Variants in OPCML observed in about 807,000 individuals in gnomAD.
The protein encoded by OPCML is opioid-binding protein/cell adhesion molecule.
A neutral mutation model predicts 37.8 loss-of-function variants in OPCML; 13 were observed. The observed-to-expected ratio is 0.34, with a 90% CI of 0.22 to 0.55. The LOEUF is 0.55. Ranked by LOEUF, OPCML falls within the 20% of genes least tolerant of loss-of-function variation. The pLI is 0.91. For synonymous variants in OPCML, 176 were observed against 168.8 expected (o/e 1.04, Z -0.33); for missense variants, 341 against 435.6 (o/e 0.78, Z 1.93).
At chr11:132,721,462 A>G (rs1271886081) in intron 2 of OPCML, among the ~76,000 whole-genome samples, 1 of 152,202 alleles carries the variant, frequency 6.6e-6, no homozygotes, top group Admixed American at 6.5e-5. Context: ...ATGTGAGGAC[A>G]GGTGGCCCAG....
intron 1 of OPCML, among the ~76,000 whole-genome samples, chr11:133,318,962 G>A (rs1339861719): frequency 6.6e-6 from 1 of 151,548 alleles, no homozygotes; most frequent in Non-Finnish European, 1.5e-5. Flanking sequence ...AGGAGACAGA[G>A]GTTGCAGTGA....
rs546287993 is a variant in OPCML at position 132,418,575 on chromosome 11, G to T, written c.*1618C>A. 2.0e-5 allele frequency: 3 copies of T among 152,770 alleles called. No homozygotes were observed. The East Asian group carries it at 5.8e-4, about 29-fold the overall frequency. The allele number at this position is 152,770 out of a possible 1,614,324, so 9.5% of individuals were successfully genotyped here. A position where few individuals can be genotyped will look rare whatever the true frequency, so the allele number is the denominator to read the frequency against. On this transcript the variant is annotated 3_prime_UTR_variant, in exon 8 of 8. Transcript: ENST00000524381. ...TGAAAATTAAGTCAGTTGCTCAAGTGCCCTCAGCTTAGAAGAGCTTCCTGA... is the reference window on the plus strand; with the variant it reads ...TGAAAATTAAGTCAGTTGCTCAAGTTCCCTCAGCTTAGAAGAGCTTCCTGA...
chr11:132,658,962 A>G (rs1941832187), intron 2 of OPCML, among the ~76,000 whole-genome samples: 2 of 152,144 alleles, frequency 1.3e-5, no homozygotes, highest in African/African-American at 4.8e-5. Context: ...TTATTTGACC[A>G]CAGGCATCCC....
chr11:132,416,890 C>T lies in OPCML; in HGVS notation c.*3303G>A, dbSNP rs993176814. The T allele has an allele frequency of 9.8e-5, 15 of 152,708 alleles. No homozygotes were observed. The highest frequency in any genetic ancestry group is 1.9e-4 in the Non-Finnish European group (13 of 68,030). 9.5% of individuals were successfully genotyped at this position (152,708 alleles called of 1,614,324 possible). A position where few individuals can be genotyped will look rare whatever the true frequency, so the allele number is the denominator to read the frequency against. The stretch of plus-strand genomic sequence containing the variant: ...ACTGTATCAGGCACTTGACATTAAA[C>T]TACTGAAAAACAAGCTTGGCTGCAG... On this transcript the variant is annotated 3_prime_UTR_variant, in exon 8 of 8. Transcript: ENST00000524381.
intron 1 of OPCML, among the ~76,000 whole-genome samples, chr11:133,378,300 G>A (rs1944858877): frequency 1.3e-5 from 2 of 152,052 alleles, no homozygotes; most frequent in Admixed American, 6.6e-5. Flanking sequence ...ATTTTGTATG[G>A]CCTTTGAGGA....
At chr11:133,475,824 C>T (rs1416755916) in intron 1 of OPCML, among the ~76,000 whole-genome samples, 1 of 152,282 alleles carries the variant, frequency 6.6e-6, no homozygotes, top group South Asian at 2.1e-4. Context: ...CTGAGTGTCT[C>T]CCCTGAGATC....
intron 2 of OPCML, among the ~76,000 whole-genome samples, chr11:132,870,818 G>A (rs1402351505): frequency 2.0e-5 from 3 of 152,134 alleles, no homozygotes; most frequent in African/African-American, 4.8e-5. Flanking sequence ...GAAAAGTGTT[G>A]TCACTTATAT....
intron 1 of OPCML, among the ~76,000 whole-genome samples, chr11:133,248,619 A>C (rs1346939624): frequency 6.6e-6 from 1 of 152,200 alleles, no homozygotes. Context: ...GCTCAGCATG[A>C]GGTTCTGCAG....
chr11:133,215,207 T>A (rs1192587562), intron 1 of OPCML, among the ~76,000 whole-genome samples: 14 of 148,380 alleles, frequency 9.4e-5, no homozygotes, highest in Admixed American at 7.3e-4. Context: ...AGAGAGAGAG[T>A]GTGTGTGTGT....
At chr11:132,751,287 G>C (rs1420130327) in intron 2 of OPCML, among the ~76,000 whole-genome samples, 1 of 152,104 alleles carries the variant, frequency 6.6e-6, no homozygotes, top group African/African-American at 2.4e-5. Flanking sequence ...TCCAGCGGTG[G>C]TGAGACTCTG....
At chr11:132,594,676 T>G (rs1461521683) in intron 3 of OPCML, among the ~76,000 whole-genome samples, 1 of 152,292 alleles carries the variant, frequency 6.6e-6, no homozygotes, top group Non-Finnish European at 1.5e-5. Flanking sequence ...TGGGCTGGTT[T>G]TAACTCAAGA....
At chr11:133,502,979 A>G (rs564782283) in intron 1 of OPCML, among the ~76,000 whole-genome samples, 24 of 152,322 alleles carry the variant, frequency 1.6e-4, no homozygotes, top group African/African-American at 5.8e-4. Context: ...GTTCAGTACA[A>G]GATGCACAGC....
intron 1 of OPCML, among the ~76,000 whole-genome samples, chr11:133,455,739 T>G (rs897240746): frequency 6.6e-6 from 1 of 152,052 alleles, no homozygotes; most frequent in Non-Finnish European, 1.5e-5. Context: ...CACTGAAACA[T>G]TAAATAAAAT....
At chr11:133,113,016 G>A (rs886084961) in intron 1 of OPCML, among the ~76,000 whole-genome samples, 13 of 152,174 alleles carry the variant, frequency 8.5e-5, no homozygotes, top group Non-Finnish European at 1.6e-4. Flanking sequence ...TGCAATTACA[G>A]AATATATATG....
At chr11:133,275,343 A>G (rs952206792) in intron 1 of OPCML, among the ~76,000 whole-genome samples, 1 of 152,190 alleles carries the variant, frequency 6.6e-6, no homozygotes, top group African/African-American at 2.4e-5. Context: ...TATTTTGCCA[A>G]GTAACAGTGT....
At chr11:132,498,300 A>G (rs1273667079) in intron 4 of OPCML, among the ~76,000 whole-genome samples, 1 of 152,236 alleles carries the variant, frequency 6.6e-6, no homozygotes, top group Non-Finnish European at 1.5e-5. Flanking sequence ...ACACATCAAG[A>G]ACAAAGGCCA....
intron 1 of OPCML, among the ~76,000 whole-genome samples, chr11:133,114,316 T>A (rs1260178681): frequency 6.6e-6 from 1 of 152,236 alleles, no homozygotes; most frequent in African/African-American, 2.4e-5. Context: ...ATCTTCCCAG[T>A]TGTTCTGGCC....
At chr11:133,223,013 C>A (rs1047693656) in intron 1 of OPCML, among the ~76,000 whole-genome samples, 1 of 152,202 alleles carries the variant, frequency 6.6e-6, no homozygotes, top group East Asian at 1.9e-4. Context: ...CTTAGAACTA[C>A]AACCATGGGT....
intron 4 of OPCML, among the ~76,000 whole-genome samples, chr11:132,503,661 C>G (rs965368089): frequency 3.3e-5 from 5 of 152,004 alleles, no homozygotes; most frequent in African/African-American, 1.2e-4. Flanking sequence ...TAGAAACTAG[C>G]ATTATAACTA....
Sources: gnomAD v4.1 joint callset for allele counts (sites outside exome capture counted in the v4.1 genomes callset) on GRCh38, gnomAD v4.1.1 for gene constraint, MANE v1.5 for transcripts, NCBI Gene and HGNC (gene_info 2026-07-23, HGNC 2026-07-21) for gene names.